The following ACSS2 variants were observed in gnomAD, a reference collection of about 807,000 sequenced individuals.
The protein encoded by ACSS2 is acyl-CoA synthetase short chain family member 2.
Under a neutral mutation model 90.6 loss-of-function variants are expected in ACSS2, and 58 were observed. That is an observed-to-expected ratio of 0.64 (90% confidence interval 0.52 to 0.80). The LOEUF (loss-of-function observed/expected upper bound fraction) is 0.80. ACSS2 is among the 30% of genes least tolerant of loss of function. The probability of loss-of-function intolerance (pLI) is 0.00; values close to 1 mark genes in which losing one functional copy is unlikely to be tolerated. For synonymous variants in ACSS2, 300 were observed against 330.9 expected (o/e 0.91, Z 1.01); for missense variants, 759 against 912.0 (o/e 0.83, Z 2.16).
At chr20:34,876,475 C>A, upstream of ACSS2, 2 of 673,444 alleles carry the variant, frequency 3.0e-6, no homozygotes, top group Non-Finnish European at 2.1e-6. Flanking sequence ...CCCTCCCCAA[C>A]CAGACACGGC....
At chr20:34,877,620 C>A (rs1342407039) in intron 1 of ACSS2, among the ~76,000 whole-genome samples, 2 of 151,758 alleles carry the variant, frequency 1.3e-5, no homozygotes, top group Non-Finnish European at 2.9e-5. Context: ...GAGTTCGAGA[C>A]CAGCCTGGCC....
chr20:34,915,768 T>C (rs925495539), intron 7 of ACSS2, among the ~76,000 whole-genome samples: 2 of 152,344 alleles, frequency 1.3e-5, no homozygotes, highest in South Asian at 2.1e-4. Context: ...CTTTGTAATA[T>C]GATTAAGTGC....
intron 14 of ACSS2, 32 bp from the exon 15 acceptor site, chr20:34,925,666 T>C: frequency 1.2e-6 from 2 of 1,602,672 alleles, no homozygotes; most frequent in Non-Finnish European, 1.7e-6. Flanking sequence ...ACCGTAGGGT[T>C]TTTATTTATT....
intron 2 of ACSS2, among the ~76,000 whole-genome samples, chr20:34,897,109 C>A (rs2080482740): frequency 6.6e-6 from 1 of 151,824 alleles, no homozygotes; most frequent in South Asian, 2.1e-4. Context: ...TGAATAGTTA[C>A]AACCTTTCTG....
At chr20:34,882,684 T>A (rs1251039914) in intron 1 of ACSS2, 110 bp from the exon 2 acceptor site, 13 of 1,000,422 alleles carry the variant, frequency 1.3e-5, no homozygotes, top group Non-Finnish European at 1.5e-6. Context: ...AGGTGGTGGG[T>A]CCTAGGGCAA....
intron 2 of ACSS2, among the ~76,000 whole-genome samples, chr20:34,885,604 T>C (rs2080172846): frequency 6.6e-6 from 1 of 152,222 alleles, no homozygotes; most frequent in Admixed American, 6.5e-5. Context: ...TGTGTGAGAT[T>C]CCCAATGTGT....
At chr20:34,887,882 C>A (rs2080237325) in intron 2 of ACSS2, among the ~76,000 whole-genome samples, 1 of 151,496 alleles carries the variant, frequency 6.6e-6, no homozygotes, top group Admixed American at 6.6e-5. Flanking sequence ...ATCAGCCTGG[C>A]CAACAAGACG....
intron 2 of ACSS2, among the ~76,000 whole-genome samples, chr20:34,906,983 C>CA (rs1228479859): frequency 0.17 from 6,781 of 40,856 alleles, 1,514 homozygotes; most frequent in African/African-American, 0.46. Flanking sequence ...GACTCCATCT[C>CA]AAAAAAAAAA....
chr20:34,926,576 T>C (rs191775652), intron 16 of ACSS2, among the ~76,000 whole-genome samples: 2 of 152,324 alleles, frequency 1.3e-5, no homozygotes, highest in Non-Finnish European at 1.5e-5. Flanking sequence ...ATTGTTACCT[T>C]CATGCTAAAG....
intron 13 of ACSS2, 22 bp downstream of exon 13, chr20:34,921,888 G>T: frequency 1.2e-6 from 2 of 1,601,720 alleles, no homozygotes; most frequent in Non-Finnish European, 1.7e-6. Flanking sequence ...GCCCTTGGGA[G>T]TCTTTAAGGA....
intron 2 of ACSS2, among the ~76,000 whole-genome samples, chr20:34,891,115 C>T (rs1176056039): frequency 1.3e-5 from 2 of 152,154 alleles, no homozygotes; most frequent in African/African-American, 2.4e-5. Context: ...ATGGGCTTGC[C>T]TCACCTTCTC....
At position 34,920,719 on chromosome 20, in the gene ACSS2, G is replaced by T. The variant is rs374433931; in HGVS notation, c.1143+10G>T. 1 of 1,605,674 alleles carries T rather than the reference G, an allele frequency of 6.2e-7. No individual in the cohort carries two copies. Among genetic ancestry groups the T allele is most frequent in the Non-Finnish European group, 8.5e-7 (1 of 1,175,094 alleles). ...TGCCACCAGTGTTTTGGTGAGAAGG[G>T]AGCCACCTGGCCTAGCTGGGGGATG... is the stretch of plus-strand genomic sequence containing the variant. On this transcript the variant is annotated intron_variant, in intron 9 of 17. Coordinates refer to ENST00000360596, the MANE Select transcript of ACSS2 (RefSeq NM_018677.4).
intron 5 of ACSS2, 75 bp downstream of exon 5, chr20:34,913,900 T>G: frequency 6.7e-7 from 1 of 1,489,610 alleles, no homozygotes; most frequent in South Asian, 1.1e-5. Flanking sequence ...TCATTGGTAT[T>G]TGGGGCTACT....
intron 2 of ACSS2, among the ~76,000 whole-genome samples, chr20:34,909,257 G>T (rs1297999314): frequency 6.6e-6 from 1 of 150,842 alleles, no homozygotes; most frequent in Non-Finnish European, 1.5e-5. Flanking sequence ...AGTCCCAACT[G>T]CTCAAGAGGC....
chr20:34,876,437 T>C (rs2295095), upstream of ACSS2: 38 of 447,332 alleles, frequency 8.5e-5, no homozygotes, highest in East Asian at 1.2e-3. Context: ...CTTTTCCTTA[T>C]AGTATTTCTG....
intron 2 of ACSS2, among the ~76,000 whole-genome samples, chr20:34,892,668 T>C (rs1293257731): frequency 1.3e-5 from 2 of 152,244 alleles, no homozygotes; most frequent in Non-Finnish European, 2.9e-5. Flanking sequence ...ATAAAGGGCT[T>C]AGTGCTTGGC....
intron 12 of ACSS2, 44 bp downstream of exon 12, chr20:34,921,644 G>A: frequency 6.2e-7 from 1 of 1,614,000 alleles, no homozygotes; most frequent in Non-Finnish European, 8.5e-7. Flanking sequence ...GGCAGGGATG[G>A]TGTCTTGGGG....
chr20:34,913,552 T>C, intron 4 of ACSS2, 56 bp downstream of exon 4: 1 of 1,538,128 alleles, frequency 6.5e-7, no homozygotes, highest in Non-Finnish European at 8.9e-7. Flanking sequence ...TCTGGAGAAG[T>C]AGGTTGGGCC....
chr20:34,887,203 T>G (rs1427282017), intron 2 of ACSS2, among the ~76,000 whole-genome samples: 1 of 152,240 alleles, frequency 6.6e-6, no homozygotes, highest in Non-Finnish European at 1.5e-5. Flanking sequence ...GTCATACACC[T>G]GTTTGAAGAC....
Sources: gnomAD v4.1 joint callset for allele counts (sites outside exome capture counted in the v4.1 genomes callset) on GRCh38, gnomAD v4.1.1 for gene constraint, MANE v1.5 for transcripts, NCBI Gene and HGNC (gene_info 2026-07-23, HGNC 2026-07-21) for gene names.